PDE4D: variants seen among roughly 807,000 people sequenced by gnomAD.
PDE4D encodes the protein phosphodiesterase 4D.
PDE4D carries 24 observed loss-of-function variants against 87.4 expected under a neutral mutation model. That is an observed-to-expected ratio of 0.27 (90% confidence interval 0.20 to 0.39). PDE4D has a LOEUF of 0.39. PDE4D is among the 10% of genes least tolerant of loss of function. PDE4D has a pLI of 1.00. For missense variants in PDE4D, 714 were observed against 1,041.0 expected (o/e 0.69, Z 4.32); for synonymous variants, 384 against 383.2 (o/e 1.00, Z -0.02).
At chr5:59,109,090 C>T (rs1772165040) in intron 5 of PDE4D, among the ~76,000 whole-genome samples, 3 of 149,666 alleles carry the variant, frequency 2.0e-5, no homozygotes, top group African/African-American at 7.4e-5. Context: ...TACTCTATTC[C>T]AGTTCTTTTT....
intron 1 of PDE4D, among the ~76,000 whole-genome samples, chr5:60,214,483 G>C (rs1361016937): frequency 6.6e-6 from 1 of 152,066 alleles, no homozygotes; most frequent in East Asian, 1.9e-4. Context: ...GGTGAACACA[G>C]GCACTGTTAA....
intron 1 of PDE4D, among the ~76,000 whole-genome samples, chr5:59,686,732 T>C (rs188762300): frequency 6.6e-6 from 1 of 152,306 alleles, no homozygotes; most frequent in East Asian, 1.9e-4. Context: ...AGCTTATTTC[T>C]TTCTTCCTAC....
At chr5:59,513,439 G>C (rs1810594597) in intron 1 of PDE4D, among the ~76,000 whole-genome samples, 1 of 152,084 alleles carries the variant, frequency 6.6e-6, no homozygotes. Context: ...GCTTTAATGA[G>C]AAAACATTGT....
chr5:59,089,991 G>A (rs1768395507), intron 5 of PDE4D, among the ~76,000 whole-genome samples: 1 of 152,130 alleles, frequency 6.6e-6, no homozygotes, highest in South Asian at 2.1e-4. Flanking sequence ...ACCTAAGGGA[G>A]AGATTAGATA....
At chr5:59,491,648 C>T (rs991166243) in intron 1 of PDE4D, among the ~76,000 whole-genome samples, 1 of 152,134 alleles carries the variant, frequency 6.6e-6, no homozygotes, top group Non-Finnish European at 1.5e-5. Context: ...AAAAATTCAC[C>T]ATACTTTCAA....
intron 1 of PDE4D, among the ~76,000 whole-genome samples, chr5:59,765,887 T>C (rs1231533773): frequency 1.3e-5 from 2 of 152,210 alleles, no homozygotes; most frequent in Non-Finnish European, 2.9e-5. Flanking sequence ...TACCATGGTA[T>C]AAATTATTGG....
intron 5 of PDE4D, among the ~76,000 whole-genome samples, chr5:59,176,472 T>G (rs1783903460): frequency 1.3e-5 from 2 of 151,780 alleles, no homozygotes; most frequent in Admixed American, 1.3e-4. Context: ...GAGAATTGCT[T>G]GAACCCAGGA....
intron 3 of PDE4D, among the ~76,000 whole-genome samples, chr5:59,977,664 T>C (rs1269476475): frequency 4.6e-5 from 7 of 152,184 alleles, no homozygotes; most frequent in Admixed American, 2.0e-4. Context: ...AGATCAATGA[T>C]GAAGGCACTA....
chr5:59,134,356 A>G (rs555614969), intron 5 of PDE4D, among the ~76,000 whole-genome samples: 4 of 151,962 alleles, frequency 2.6e-5, no homozygotes, highest in South Asian at 2.1e-4. Flanking sequence ...GATAAAATCA[A>G]CGGGACAATG....
intron 6 of PDE4D, among the ~76,000 whole-genome samples, chr5:59,005,520 C>T (rs75932991): frequency 0.064 from 9,714 of 152,188 alleles, 411 homozygotes; most frequent in Non-Finnish European, 0.093. Flanking sequence ...CCTATTGCCA[C>T]GGTAGCTGCT....
At position 59,357,495 on chromosome 5, in the gene PDE4D, G is replaced by GA. The variant is rs554704342; in HGVS notation, c.456-141528dup. Among the ~76,000 whole-genome samples, 347 of 150,644 alleles carry GA rather than the reference G, an allele frequency of 2.3e-3. 1 individual carries two copies. Among genetic ancestry groups the GA allele is most frequent in the Non-Finnish European group, 3.5e-3 (234 of 67,614 alleles). On this transcript the variant is annotated intron_variant, in intron 1 of 14. Transcript: ENST00000340635. ...AGCGCCTCTCTAAAAGTCAGTGTGAGAAAAAAAAACAGGCAGATCACTTTC... is the reference window on the plus strand; with the variant it reads ...AGCGCCTCTCTAAAAGTCAGTGTGAGAAAAAAAAAACAGGCAGATCACTTTC...
intron 1 of PDE4D, among the ~76,000 whole-genome samples, chr5:60,476,396 T>C (rs1217862082): frequency 6.6e-6 from 1 of 151,996 alleles, no homozygotes; most frequent in Non-Finnish European, 1.5e-5. Flanking sequence ...CCTCTCACAA[T>C]CTCCACTGTT....
chr5:60,218,055 T>TA, intron 1 of PDE4D, among the ~76,000 whole-genome samples: 1 of 152,050 alleles, frequency 6.6e-6, no homozygotes, highest in Non-Finnish European at 1.5e-5. Flanking sequence ...CTATGTCAAC[T>TA]AAAAAATGAA....
intron 1 of PDE4D, among the ~76,000 whole-genome samples, chr5:59,397,120 C>T (rs1406151597): frequency 8.0e-6 from 1 of 125,478 alleles, no homozygotes; most frequent in Non-Finnish European, 1.7e-5. Flanking sequence ...GACTTCCACA[C>T]ATTAATAATG....
chr5:60,062,129 A>G (rs1343680000), intron 2 of PDE4D, among the ~76,000 whole-genome samples: 1 of 152,186 alleles, frequency 6.6e-6, no homozygotes, highest in Non-Finnish European at 1.5e-5. Flanking sequence ...CAGGCAATCT[A>G]CAGAATGGGA....
chr5:60,182,649 C>T (rs1364805566), intron 2 of PDE4D, among the ~76,000 whole-genome samples: 9 of 151,750 alleles, frequency 5.9e-5, no homozygotes, highest in South Asian at 2.1e-4. Flanking sequence ...GAAGCCGAGG[C>T]GGGCGGATCA....
At chr5:59,626,083 G>A (rs138288069) in intron 1 of PDE4D, among the ~76,000 whole-genome samples, 22 of 152,200 alleles carry the variant, frequency 1.4e-4, no homozygotes, top group Middle Eastern at 3.4e-3. Context: ...GTGAGACTCC[G>A]TCTCAAAAAA....
At chr5:60,063,332 G>C (rs1462826619) in intron 2 of PDE4D, among the ~76,000 whole-genome samples, 1 of 152,058 alleles carries the variant, frequency 6.6e-6, no homozygotes, top group East Asian at 1.9e-4. Context: ...TTGTCTAATT[G>C]TGTCAAGTAC....
chr5:60,060,440 A>G (rs1771267165), intron 2 of PDE4D, among the ~76,000 whole-genome samples: 1 of 151,996 alleles, frequency 6.6e-6, no homozygotes, highest in African/African-American at 2.4e-5. Flanking sequence ...CTGACATCTG[A>G]TTTACCCCAG....
Sources: gnomAD v4.1 joint callset for allele counts (sites outside exome capture counted in the v4.1 genomes callset) on GRCh38, gnomAD v4.1.1 for gene constraint, MANE v1.5 for transcripts, NCBI Gene and HGNC (gene_info 2026-07-23, HGNC 2026-07-21) for gene names.